PAK3: variants seen among roughly 807,000 people sequenced by gnomAD.
PAK3 encodes p21 (RAC1) activated kinase 3.
A neutral mutation model predicts 41.0 loss-of-function variants in PAK3; 4 were observed. The observed-to-expected ratio is 0.10, with a 90% CI of 0.05 to 0.22. The LOEUF (loss-of-function observed/expected upper bound fraction) is 0.22. Among genes scored for constraint, PAK3 ranks in the 10% least tolerant of loss-of-function variants. The pLI is 1.00. For synonymous variants in PAK3, 146 were observed against 139.6 expected (o/e 1.05, Z -0.32); for missense variants, 205 against 409.9 (o/e 0.50, Z 4.32).
At chrX:111,070,777 A>G (rs1464688213) in intron 1 of PAK3, among the ~76,000 whole-genome samples, 1 of 111,931 alleles carries the variant, frequency 8.9e-6, no homozygotes, top group Non-Finnish European at 1.9e-5. Flanking sequence ...TCTCAGGTTC[A>G]CCTGAAAACA....
chrX:111,202,984 A>G (rs746410923), intron 16 of PAK3, among the ~76,000 whole-genome samples: 46 of 112,075 alleles, frequency 4.1e-4, no homozygotes, highest in Admixed American at 1.0e-3. Flanking sequence ...GTAGTATAGT[A>G]TGTGAACCAC....
At chrX:111,145,971 G>A (rs1324767430) in intron 6 of PAK3, among the ~76,000 whole-genome samples, 1 of 111,763 alleles carries the variant, frequency 8.9e-6, no homozygotes, top group Non-Finnish European at 1.9e-5. Context: ...GCTACAAAGT[G>A]CAAAAGAATC....
intron 5 of PAK3, among the ~76,000 whole-genome samples, chrX:111,131,036 A>G (rs1416121418): frequency 8.9e-6 from 1 of 111,843 alleles, no homozygotes; most frequent in Non-Finnish European, 1.9e-5. Context: ...TATACTGCTT[A>G]CATAAAATGA....
chrX:111,049,200 A>C (rs945273340), intron 1 of PAK3, among the ~76,000 whole-genome samples: 18 of 111,930 alleles, frequency 1.6e-4, no homozygotes, highest in African/African-American at 5.8e-4. Flanking sequence ...ATGTCACTTC[A>C]CCTCAGAAAG....
rs372854388 is a variant in PAK3 at position 111,146,847 on chromosome X, C to T, written c.277-890C>T. Reference sequence around the variant, plus strand: ...TTGGATAATTATGAAATTGGGACTTCTGTAGGCTGGACATGTAGGAAAGAA... The same window carrying T: ...TTGGATAATTATGAAATTGGGACTTTTGTAGGCTGGACATGTAGGAAAGAA... On this transcript the variant is annotated intron_variant, in intron 6 of 17. Coordinates refer to ENST00000372007, the MANE Select transcript of PAK3 (RefSeq NM_002578.5). Among the ~76,000 whole-genome samples, 158 of 111,837 alleles carry T rather than the reference C, an allele frequency of 1.4e-3. 2 individuals carry two copies. In the South Asian group the frequency reaches 0.054, roughly 39 times the overall value.
intron 16 of PAK3, among the ~76,000 whole-genome samples, chrX:111,212,442 A>G (rs919133744): frequency 1.8e-5 from 2 of 111,335 alleles, no homozygotes; most frequent in African/African-American, 6.5e-5. Context: ...GATGTGTTCC[A>G]AAAGTACATT....
chrX:110,950,649 C>A (rs2090722587), intron 1 of PAK3, among the ~76,000 whole-genome samples: 1 of 111,869 alleles, frequency 8.9e-6, no homozygotes, highest in African/African-American at 3.2e-5. Flanking sequence ...TAAATAACTG[C>A]ATAGTATTCT....
Position 111,177,568 on chromosome X carries a change from A to C in PAK3, c.830+4487A>C, listed in dbSNP as rs147235205. On this transcript the variant is annotated intron_variant, in intron 11 of 17. Transcript: ENST00000372007. ...AATAAGGAAAGAAAGAAAAAAAGTC[A>C]GGTACCCCAAAATTATCATTAACTC... 4.1e-3 allele frequency among the ~76,000 whole-genome samples: 458 copies of C among 112,352 alleles called. 3 individuals carry two copies. Among genetic ancestry groups the C allele is most frequent in the Middle Eastern group, 0.014 (3 of 219 alleles).
chrX:110,984,437 T>C (rs1033676279), intron 1 of PAK3, among the ~76,000 whole-genome samples: 1 of 111,932 alleles, frequency 8.9e-6, no homozygotes, highest in African/African-American at 3.3e-5. Context: ...TACTTCTCTC[T>C]CTACTACCCA....
chrX:111,005,340 C>A (rs765946431), intron 1 of PAK3, among the ~76,000 whole-genome samples: 1 of 111,550 alleles, frequency 9.0e-6, no homozygotes, highest in African/African-American at 3.3e-5. Flanking sequence ...CCCCCTCAGA[C>A]CCTCCAGGCT....
rs1022787971 is a variant in PAK3, at chrX:111,227,196, C to T, written c.*6749C>T. The T allele has an allele frequency of 1.8e-5, 2 of 112,009 alleles. No individual in the cohort carries two copies. The highest frequency in any genetic ancestry group is 1.9e-4 in the Admixed American group (2 of 10,560). The allele number at this position is 112,009 out of a possible 1,213,427, so 9.2% of individuals were successfully genotyped here. ...GTTCCATCCTTCTGACCTCAGCATC[C>T]AATCTTTTTAAGGATTTTTGTTTTC... is the stretch of plus-strand genomic sequence containing the variant. On this transcript the variant is annotated 3_prime_UTR_variant, in exon 18 of 18. Transcript: ENST00000372007.
At chrX:111,058,154 T>A (rs1603044793) in intron 1 of PAK3, among the ~76,000 whole-genome samples, 1 of 112,147 alleles carries the variant, frequency 8.9e-6, no homozygotes, top group Non-Finnish European at 1.9e-5. Flanking sequence ...CTATACAAGT[T>A]TTTGTGTGGG....
At chrX:111,037,070 G>A (rs1034244337) in intron 1 of PAK3, among the ~76,000 whole-genome samples, 2 of 110,881 alleles carry the variant, frequency 1.8e-5, no homozygotes, top group Non-Finnish European at 3.8e-5. Context: ...CCAGCCTCCC[G>A]AGCAGTCGGG....
chrX:111,108,870 C>T (rs1396241270), intron 4 of PAK3, among the ~76,000 whole-genome samples: 1 of 112,200 alleles, frequency 8.9e-6, no homozygotes, highest in Non-Finnish European at 1.9e-5. Context: ...TGCTTGAATT[C>T]AGTGAGAAGC....
At position 111,162,009 on chromosome X, in the gene PAK3, C is replaced by T. The variant is rs12558711; in HGVS notation, c.469-906C>T. Among the ~76,000 whole-genome samples the T allele has an allele frequency of 4.4e-3, 490 of 111,814 alleles. 14 individuals carry two copies. Among genetic ancestry groups the T allele is most frequent in the Admixed American group, 0.042 (439 of 10,513 alleles). ...TAAACTTGAGCTTGCATCAGGATCACCTGGAAGGCTTGTTATAATACAGAT... is the reference window on the plus strand; with the variant it reads ...TAAACTTGAGCTTGCATCAGGATCATCTGGAAGGCTTGTTATAATACAGAT... On this transcript the variant is annotated intron_variant, in intron 8 of 17. Transcript: ENST00000372007.
intron 11 of PAK3, among the ~76,000 whole-genome samples, chrX:111,174,375 A>T (rs1388056359): frequency 3.6e-5 from 4 of 111,094 alleles, no homozygotes; most frequent in African/African-American, 1.3e-4. Flanking sequence ...CCTAAGGGGG[A>T]CAGAAACTCA....
At chrX:110,980,999 G>A (rs145198804) in intron 1 of PAK3, among the ~76,000 whole-genome samples, 1,289 of 111,656 alleles carry the variant, frequency 0.012, 16 homozygotes, top group African/African-American at 0.04. Flanking sequence ...AGAAGGGGTC[G>A]GTTTCTATCA....
intron 1 of PAK3, among the ~76,000 whole-genome samples, chrX:111,044,553 A>C (rs1209037050): frequency 9.0e-6 from 1 of 111,652 alleles, no homozygotes; most frequent in Non-Finnish European, 1.9e-5. Context: ...AAACAGGGAG[A>C]GGGATGTGGC....
chrX:111,155,360 G>T (rs1420921201), intron 8 of PAK3, among the ~76,000 whole-genome samples: 1 of 109,863 alleles, frequency 9.1e-6, no homozygotes, highest in Non-Finnish European at 1.9e-5. Context: ...AACTAGCTGG[G>T]CATGGTGGTG....
Sources: gnomAD v4.1 joint callset for allele counts (sites outside exome capture counted in the v4.1 genomes callset) on GRCh38, gnomAD v4.1.1 for gene constraint, MANE v1.5 for transcripts, NCBI Gene and HGNC (gene_info 2026-07-23, HGNC 2026-07-21) for gene names.